Variants in DAPK1 observed in about 807,000 individuals in gnomAD.
DAPK1 encodes death associated protein kinase 1.
A neutral mutation model predicts 144.9 loss-of-function variants in DAPK1; 56 were observed. The observed-to-expected ratio is 0.39, with a 90% CI of 0.31 to 0.48. DAPK1 has a LOEUF of 0.48. Among genes scored for constraint, DAPK1 ranks in the 20% least tolerant of loss-of-function variants. The pLI, the probability that DAPK1 is intolerant of heterozygous loss-of-function variation, is 0.95. For synonymous variants in DAPK1, 690 were observed against 749.0 expected, an observed-to-expected ratio of 0.92 and a Z score of 1.29; for missense variants, 1,454 against 1,875.4, an observed-to-expected ratio of 0.78 and a Z score of 4.15.
At chr9:87,653,302 A>G (rs1830521521) in intron 17 of DAPK1, among the ~76,000 whole-genome samples, 1 of 152,162 alleles carries the variant, frequency 6.6e-6, no homozygotes, top group African/African-American at 2.4e-5. Context: ...CTGATCCTGG[A>G]TTTTGGCCAA....
intron 2 of DAPK1, among the ~76,000 whole-genome samples, chr9:87,523,406 T>G (rs1275099939): frequency 1.3e-5 from 2 of 152,000 alleles, no homozygotes; most frequent in East Asian, 3.9e-4. Context: ...AAAAGATCTT[T>G]CCACCTCAGC....
chr9:87,605,062 C>T lies in DAPK1; in HGVS notation c.171C>T (p.Ser57=). ...CTAAGTCCAGCCGGCGGGGTGTGAG[C>T]CGCGAGGACATCGAGCGGGAGGTCA... is the stretch of plus-strand genomic sequence containing the variant. The part of the protein sequence containing the change: ...RRTKSSRRGV[S]REDIEREVSI... Residue 57 remains serine (S), a synonymous_variant, in exon 3 of 26, where the codon AGC becomes AGT. Transcript: ENST00000408954. The T allele has an allele frequency of 6.2e-7, 1 of 1,614,190 alleles. No homozygotes were observed. The highest frequency in any genetic ancestry group is 8.5e-7 in the Non-Finnish European group (1 of 1,180,032).
At chr9:87,624,649 C>T (rs1238283417) in intron 3 of DAPK1, among the ~76,000 whole-genome samples, 1 of 152,164 alleles carries the variant, frequency 6.6e-6, no homozygotes, top group African/African-American at 2.4e-5. Flanking sequence ...GACCCTTATC[C>T]CCTGATTTCT....
At position 87,695,192 on chromosome 9, in the gene DAPK1, A is replaced by G. The variant is rs562447342; in HGVS notation, c.2414-1815A>G. On this transcript the variant is annotated intron_variant, in intron 21 of 25. Coordinates refer to ENST00000408954, the MANE Select transcript of DAPK1 (RefSeq NM_004938.4). ...TCAGGACCCCACACTCCAAGAGCCA[A>G]TTTCTGGGTACCAGAACTTTCCATG... Among the ~76,000 whole-genome samples the G allele has an allele frequency of 2.6e-5, 4 of 152,290 alleles. No homozygotes were observed. The South Asian group carries it at 8.3e-4, about 32-fold the overall frequency.
In DAPK1 at chr9:87,702,968, G is replaced by C. The variant is rs548479368; in HGVS notation, c.2872-61G>C. 6.5e-5 allele frequency: 50 copies of C among 773,424 alleles called. No individual in the cohort carries two copies. The African/African-American group carries it at 8.0e-4, about 12-fold the overall frequency. The allele number at this position is 773,424 out of a possible 1,614,324, so 47.9% of individuals were successfully genotyped here. A position where few individuals can be genotyped will look rare whatever the true frequency, so the allele number is the denominator to read the frequency against. On this transcript the variant is annotated intron_variant, in intron 24 of 25. Transcript: ENST00000408954. ...AATGAAAGGTGTCCTTTCCACTGTG[G>C]CTCTGCTCAGGGCACCCACAGCTGC...
intron 24 of DAPK1, among the ~76,000 whole-genome samples, chr9:87,701,146 T>G (rs141832623): frequency 2.6e-5 from 4 of 152,342 alleles, no homozygotes; most frequent in African/African-American, 9.6e-5. Context: ...AATCATAATA[T>G]CTTTAGAAAT....
At chr9:87,570,657 G>T (rs12335821) in intron 2 of DAPK1, among the ~76,000 whole-genome samples, 1 of 151,982 alleles carries the variant, frequency 6.6e-6, no homozygotes, top group Non-Finnish European at 1.5e-5. Context: ...TAACCCAGGC[G>T]TGCACTTCTT....
At chr9:87,598,314 A>G (rs1202001230) in intron 2 of DAPK1, among the ~76,000 whole-genome samples, 1 of 152,234 alleles carries the variant, frequency 6.6e-6, no homozygotes, top group East Asian at 1.9e-4. Context: ...GGAGGAGCGT[A>G]AAGATGGAAC....
chr9:87,651,762 G>A, intron 17 of DAPK1, 38 bp downstream of exon 17: 1 of 1,582,582 alleles, frequency 6.3e-7, no homozygotes, highest in Non-Finnish European at 8.7e-7. Flanking sequence ...GCTTCCAACT[G>A]TGTCCATCCA....
intron 2 of DAPK1, among the ~76,000 whole-genome samples, chr9:87,566,982 G>C (rs1213093039): frequency 6.6e-6 from 1 of 152,178 alleles, no homozygotes; most frequent in Non-Finnish European, 1.5e-5. Context: ...AAAATAGCAA[G>C]AAAGCTCATT....
Position 87,707,866 on chromosome 9 carries a change from T to C in DAPK1, c.*502T>C. ...AACTCCCATGTATGGAATCCCACTG[T>C]ATGATTTATAAACAGACAATATGTG... On this transcript the variant is annotated 3_prime_UTR_variant, in exon 26 of 26. Coordinates refer to ENST00000408954, the MANE Select transcript of DAPK1 (RefSeq NM_004938.4). This position sits in a 1 kb window ranked among gnomAD's most constrained non-coding sequence, Gnocchi z 4.0. 1 of 456,818 alleles carries C rather than the reference T, an allele frequency of 2.2e-6. No homozygotes were observed. The highest frequency in any genetic ancestry group is 1.5e-5 in the South Asian group (1 of 64,534). The allele number at this position is 456,818 out of a possible 1,614,324, so 28.3% of individuals were successfully genotyped here.
At chr9:87,682,299 G>C (rs1187996581) in intron 20 of DAPK1, among the ~76,000 whole-genome samples, 1 of 152,192 alleles carries the variant, frequency 6.6e-6, no homozygotes, top group Non-Finnish European at 1.5e-5. Flanking sequence ...GAAACACCTG[G>C]CAGTGAGCAA....
Position 87,631,955 on chromosome 9 carries a change from C to T in DAPK1, c.285-5988C>T, listed in dbSNP as rs530672595. The T allele has an allele frequency of 2.0e-4, 103 of 519,524 alleles. No homozygotes were observed. In the Middle Eastern group the frequency reaches 3.2e-3, roughly 16 times the overall value. The allele number at this position is 519,524 out of a possible 1,614,324, so 32.2% of individuals were successfully genotyped here. ...AAACATCTGCCTTCATGAATTGGCA[C>T]GAAGGAGGATGAGTATATATGTAGA... On this transcript the variant is annotated intron_variant, in intron 3 of 25. Coordinates refer to ENST00000408954, the MANE Select transcript of DAPK1 (RefSeq NM_004938.4).
At chr9:87,544,697 TG>T (rs769135743) in intron 2 of DAPK1, among the ~76,000 whole-genome samples, 5 of 152,208 alleles carry the variant, frequency 3.3e-5, no homozygotes, top group Non-Finnish European at 5.9e-5. Context: ...GGGCTCTTAC[TG>T]GTGAGATGGA....
At chr9:87,533,251 G>T (rs1558889) in intron 2 of DAPK1, among the ~76,000 whole-genome samples, 138,854 of 152,342 alleles carry the variant, frequency 0.91, 63,409 homozygotes, top group African/African-American at 0.97. Context: ...AGTAATGCAG[G>T]CTTTGAGAAA....
chr9:87,705,243 T>A (rs1191289392), intron 25 of DAPK1, among the ~76,000 whole-genome samples: 4 of 119,086 alleles, frequency 3.4e-5, no homozygotes, highest in Admixed American at 1.7e-4. Flanking sequence ...TTAATTAATT[T>A]TTTTTTTTTT....
intron 2 of DAPK1, among the ~76,000 whole-genome samples, chr9:87,565,231 CGA>C (rs1296685971): frequency 4.1e-5 from 6 of 145,608 alleles, no homozygotes; most frequent in Admixed American, 4.0e-4. Context: ...GCATGAAAAA[CGA>C]GTGTCGAGGC....
At chr9:87,604,396 T>A (rs1475513347) in intron 2 of DAPK1, among the ~76,000 whole-genome samples, 2 of 152,060 alleles carry the variant, frequency 1.3e-5, no homozygotes, top group Admixed American at 6.6e-5. Flanking sequence ...AGAGGGGAGA[T>A]AATGCTGGAG....
chr9:87,517,416 C>T (rs1162401380), intron 2 of DAPK1, among the ~76,000 whole-genome samples: 1 of 152,098 alleles, frequency 6.6e-6, no homozygotes, highest in Non-Finnish European at 1.5e-5. Context: ...ATTCATCCAG[C>T]ACTGAGACTC....
Sources: gnomAD v4.1 joint callset for allele counts (sites outside exome capture counted in the v4.1 genomes callset) on GRCh38, gnomAD v4.1.1 for gene constraint, Gnocchi (gnomAD v3.1) non-coding constraint, MANE v1.5 for transcripts, NCBI Gene and HGNC (gene_info 2026-07-23, HGNC 2026-07-21) for gene names.